Variants in SCLT1 observed in about 807,000 individuals in gnomAD.
SCLT1 encodes sodium channel and clathrin linker 1, also known as sodium channel-associated protein 1.
Under a neutral mutation model 112.8 loss-of-function variants are expected in SCLT1, and 78 were observed. The ratio of observed to expected loss-of-function variants is 0.69; its 90% CI spans 0.58 to 0.83. The LOEUF (loss-of-function observed/expected upper bound fraction) is 0.83, where lower values mean the gene tolerates loss of function less well. Ranked by LOEUF, SCLT1 falls within the 40% of genes least tolerant of loss-of-function variation. SCLT1 has a pLI of 0.00. For missense variants in SCLT1, 747 were observed against 770.4 expected (o/e 0.97, Z 0.36); for synonymous variants, 257 against 254.7 (o/e 1.01, Z -0.09).
intron 2 of SCLT1, among the ~76,000 whole-genome samples, chr4:129,069,071 A>T (rs1750751120): frequency 6.6e-6 from 1 of 152,192 alleles, no homozygotes; most frequent in Non-Finnish European, 1.5e-5. Context: ...TTTGTCAAAT[A>T]TCAGTTGGCT....
intron 5 of SCLT1, among the ~76,000 whole-genome samples, chr4:129,029,188 G>A (rs1405314710): frequency 6.6e-6 from 1 of 152,040 alleles, no homozygotes; most frequent in African/African-American, 2.4e-5. Flanking sequence ...TACATACCCA[G>A]AGGATTATAA....
chr4:129,044,191 T>C, intron 2 of SCLT1, 140 bp from the exon 3 acceptor site: 1 of 510,390 alleles, frequency 2.0e-6, no homozygotes. Flanking sequence ...AAAAAAATAA[T>C]AATCTCAATT....
In SCLT1 at chr4:129,077,242, C is replaced by G. The variant is rs577378395; in HGVS notation, c.102+5064G>C. ...ACCTAACAAAGTTTATATAGACAAT[C>G]AAGTTTGAAGTTCCAGCTTAAAATA... On this transcript the variant is annotated intron_variant, in intron 2 of 20. Transcript: ENST00000281142. 2.6e-5 allele frequency among the ~76,000 whole-genome samples: 4 copies of G among 152,216 alleles called. No homozygotes were observed. The South Asian group carries it at 8.3e-4, about 32-fold the overall frequency.
chr4:129,045,593 A>AAT (rs1748110325), intron 2 of SCLT1, among the ~76,000 whole-genome samples: 1 of 152,058 alleles, frequency 6.6e-6, no homozygotes. Context: ...CATGTATCAA[A>AAT]ATATATATAT....
At chr4:129,091,745 T>C (rs1579990837) in intron 1 of SCLT1, among the ~76,000 whole-genome samples, 1 of 152,324 alleles carries the variant, frequency 6.6e-6, no homozygotes, top group African/African-American at 2.4e-5. Context: ...TCTCACAACT[T>C]CAAGAGGATT....
intron 5 of SCLT1, among the ~76,000 whole-genome samples, chr4:129,023,942 C>T (rs566109678): frequency 6.6e-6 from 1 of 152,308 alleles, no homozygotes; most frequent in South Asian, 2.1e-4. Flanking sequence ...ATTGCTAGCA[C>T]AGCAGTATTG....
downstream of SCLT1, among the ~76,000 whole-genome samples, chr4:128,879,327 C>G (rs182755030): frequency 3.3e-5 from 5 of 152,148 alleles, no homozygotes; most frequent in African/African-American, 1.2e-4. Flanking sequence ...ATGAGAGCAT[C>G]TAGATGTTTA....
chr4:128,963,413 C>T (rs1739907245), intron 11 of SCLT1, among the ~76,000 whole-genome samples: 1 of 152,130 alleles, frequency 6.6e-6, no homozygotes, highest in South Asian at 2.1e-4. Flanking sequence ...TCCTAGAATT[C>T]CAGAACCTAA....
chr4:129,071,626 G>A (rs373959546), intron 2 of SCLT1, among the ~76,000 whole-genome samples: 4 of 151,914 alleles, frequency 2.6e-5, no homozygotes, highest in African/African-American at 7.3e-5. Flanking sequence ...ACTCCTGCTC[G>A]CTTTTGGTGC....
intron 2 of SCLT1, among the ~76,000 whole-genome samples, chr4:129,067,299 T>C (rs1161018568): frequency 6.6e-6 from 1 of 151,636 alleles, no homozygotes; most frequent in Admixed American, 6.6e-5. Flanking sequence ...TTTACCAACA[T>C]GGGAAGGATT....
At chr4:129,076,845 C>T in intron 2 of SCLT1, among the ~76,000 whole-genome samples, 1 of 151,876 alleles carries the variant, frequency 6.6e-6, no homozygotes, top group Non-Finnish European at 1.5e-5. Flanking sequence ...ATAGAAAACA[C>T]AAAATAATCA....
intron 2 of SCLT1, among the ~76,000 whole-genome samples, chr4:129,049,604 A>G (rs1348986700): frequency 6.7e-6 from 1 of 148,684 alleles, no homozygotes; most frequent in African/African-American, 2.5e-5. Flanking sequence ...CATTGTGCAC[A>G]TGTACCCTAA....
intron 13 of SCLT1, among the ~76,000 whole-genome samples, chr4:128,954,888 ATAAGCC>A (rs1739091231): frequency 6.6e-6 from 1 of 152,210 alleles, no homozygotes; most frequent in Non-Finnish European, 1.5e-5. Context: ...TTTGGTTCTT[ATAAGCC>A]TGTCATGTCT....
chr4:128,924,343 T>G (rs1216660605), intron 18 of SCLT1, among the ~76,000 whole-genome samples: 4 of 152,086 alleles, frequency 2.6e-5, no homozygotes, highest in Non-Finnish European at 4.4e-5. Flanking sequence ...AGTAGCACAA[T>G]CTTGGCTCAC....
chr4:129,005,423 C>G (rs1172486852), intron 5 of SCLT1, among the ~76,000 whole-genome samples: 1 of 152,158 alleles, frequency 6.6e-6, no homozygotes, highest in Non-Finnish European at 1.5e-5. Context: ...AAATGCTCAT[C>G]ATCACTGGCC....
intron 7 of SCLT1, among the ~76,000 whole-genome samples, chr4:128,998,528 T>C (rs1426942578): frequency 6.6e-6 from 1 of 151,886 alleles, no homozygotes. Flanking sequence ...ATTTGTAAAG[T>C]CTTGTATAAG....
chr4:129,048,531 A>C (rs2125706969), intron 2 of SCLT1, among the ~76,000 whole-genome samples: 1 of 151,112 alleles, frequency 6.6e-6, no homozygotes, highest in Middle Eastern at 3.4e-3. Flanking sequence ...AAACCCTAGA[A>C]GAAAACCTAG....
In SCLT1 at chr4:129,003,862, A is replaced by C; in HGVS notation, c.305T>G (p.Leu102Ter). The stretch of plus-strand genomic sequence containing the variant: ...CAATTTTTTTTCAACAGCATCTTTT[A>C]ATTCACTGTGCAACCTTTGAAACAA... ...IKENERLHSE[L>*]KDAVEKKLEA... Residue 102 changes from leucine (L) to a stop codon, truncating the protein, a stop_gained, in exon 6 of 21, where the codon TTA (leucine) becomes TGA (stop). Coordinates refer to ENST00000281142, the MANE Select transcript of SCLT1 (RefSeq NM_144643.4). LOFTEE classifies it high-confidence loss of function. The C allele has an allele frequency of 6.2e-7, 1 of 1,611,858 alleles. No homozygotes were observed. The highest frequency in any genetic ancestry group is 8.5e-7 in the Non-Finnish European group (1 of 1,178,956).
intron 18 of SCLT1, among the ~76,000 whole-genome samples, chr4:128,905,488 A>C (rs1734622843): frequency 6.6e-6 from 1 of 151,324 alleles, no homozygotes; most frequent in South Asian, 2.1e-4. Context: ...AGGATGTTTC[A>C]AATTCTCCAG....
Sources: allele counts gnomAD v4.1 joint callset (sites outside exome capture counted in the v4.1 genomes callset), GRCh38; gene constraint gnomAD v4.1.1; transcripts MANE v1.5; gene names NCBI Gene and HGNC (gene_info 2026-07-23, HGNC 2026-07-21).